ZMAT4: variants seen among roughly 807,000 people sequenced by gnomAD.
The protein encoded by ZMAT4 is zinc finger matrin-type protein 4.
A neutral mutation model predicts 28.7 loss-of-function variants in ZMAT4; 17 were observed. That is an observed-to-expected ratio of 0.59 (90% CI 0.41 to 0.89). The LOEUF is 0.89. ZMAT4 is among the 40% of genes least tolerant of loss of function. The pLI, the probability that ZMAT4 is intolerant of heterozygous loss-of-function variation, is 0.00. For missense variants in ZMAT4, 240 were observed against 283.8 expected (o/e 0.85, Z 1.11); for synonymous variants, 117 against 109.2 (o/e 1.07, Z -0.44).
chr8:40,588,735 A>G lies in ZMAT4; in HGVS notation c.578-7474T>C, dbSNP rs1287291605. ...GATAGTACTTAATAAAGTTAAACAT[A>G]TATCTACCTTATGACAAGAAATGTC... On this transcript the variant is annotated intron_variant, in intron 5 of 6. Coordinates refer to ENST00000297737, the MANE Select transcript of ZMAT4 (RefSeq NM_024645.3). Among the ~76,000 whole-genome samples, 4 of 152,292 alleles carry G rather than the reference A, an allele frequency of 2.6e-5. No individual in the cohort carries two copies. The Middle Eastern group carries it at 0.01, about 389-fold the overall frequency.
At chr8:40,641,772 A>G (rs902864663) in intron 5 of ZMAT4, among the ~76,000 whole-genome samples, 1 of 152,194 alleles carries the variant, frequency 6.6e-6, no homozygotes. Flanking sequence ...TTAAGTATAC[A>G]ATACAGTATT....
At chr8:40,611,561 C>T (rs1180276919) in intron 5 of ZMAT4, among the ~76,000 whole-genome samples, 3 of 152,124 alleles carry the variant, frequency 2.0e-5, no homozygotes, top group Admixed American at 1.3e-4. Flanking sequence ...AGGATGGTCT[C>T]GATCTCCTGA....
At chr8:40,556,345 C>G (rs994876841) in intron 6 of ZMAT4, among the ~76,000 whole-genome samples, 1 of 152,126 alleles carries the variant, frequency 6.6e-6, no homozygotes, top group Admixed American at 6.6e-5. Flanking sequence ...TACAATTCAA[C>G]TCATGATTTT....
intron 3 of ZMAT4, among the ~76,000 whole-genome samples, chr8:40,732,345 C>A (rs1473267338): frequency 6.6e-6 from 1 of 152,186 alleles, no homozygotes; most frequent in Non-Finnish European, 1.5e-5. Context: ...AGGCAGTCAG[C>A]TCCAGCAAGA....
chr8:40,697,041 A>G, intron 4 of ZMAT4: 1 of 491,064 alleles, frequency 2.0e-6, no homozygotes, highest in East Asian at 3.2e-5. Context: ...AACTAGGGTG[A>G]TAGAATGAGC....
At chr8:40,545,228 T>C (rs940235541) in intron 6 of ZMAT4, among the ~76,000 whole-genome samples, 3 of 152,062 alleles carry the variant, frequency 2.0e-5, no homozygotes, top group Non-Finnish European at 4.4e-5. Context: ...AAGATGATGA[T>C]GGCCTTGATT....
At chr8:40,801,369 T>TATAC (rs1814838381) in intron 2 of ZMAT4, among the ~76,000 whole-genome samples, 1 of 146,096 alleles carries the variant, frequency 6.8e-6, no homozygotes, top group African/African-American at 2.5e-5. Flanking sequence ...TATATATATA[T>TATAC]ATACATATAT....
chr8:40,611,990 A>T (rs1805814398), intron 5 of ZMAT4, among the ~76,000 whole-genome samples: 1 of 152,232 alleles, frequency 6.6e-6, no homozygotes, highest in East Asian at 1.9e-4. Context: ...AGGCTGGAGT[A>T]GTCCAGCACA....
chr8:40,613,692 A>T (rs1805888009), intron 5 of ZMAT4, among the ~76,000 whole-genome samples: 1 of 152,118 alleles, frequency 6.6e-6, no homozygotes, highest in African/African-American at 2.4e-5. Flanking sequence ...GGACTTAATG[A>T]CACCACCAGA....
At chr8:40,695,766 CA>C (rs1655962829) in intron 4 of ZMAT4, among the ~76,000 whole-genome samples, 2 of 107,980 alleles carry the variant, frequency 1.9e-5, no homozygotes, top group Admixed American at 1.1e-4. Context: ...TGCCATGTGG[CA>C]ATTTTTTTTT....
chr8:40,555,375 T>C (rs1803501607), intron 6 of ZMAT4, among the ~76,000 whole-genome samples: 1 of 152,160 alleles, frequency 6.6e-6, no homozygotes, highest in South Asian at 2.1e-4. Flanking sequence ...TATTTTTAGT[T>C]TACAAATACT....
At chr8:40,875,676 C>G (rs1358400318) in intron 1 of ZMAT4, among the ~76,000 whole-genome samples, 2 of 152,078 alleles carry the variant, frequency 1.3e-5, no homozygotes, top group Non-Finnish European at 2.9e-5. Context: ...CACCGCCAAG[C>G]CCAGGATGGA....
At chr8:40,870,216 CT>C (rs1428375337) in intron 1 of ZMAT4, among the ~76,000 whole-genome samples, 1 of 152,148 alleles carries the variant, frequency 6.6e-6, no homozygotes, top group African/African-American at 2.4e-5. Flanking sequence ...GCAAGACAGC[CT>C]TTGTTCATCA....
intron 2 of ZMAT4, among the ~76,000 whole-genome samples, chr8:40,774,674 T>C (rs1251755992): frequency 2.5e-5 from 2 of 79,230 alleles, no homozygotes; most frequent in African/African-American, 3.6e-5. Flanking sequence ...TAATATTCAA[T>C]GACATAGAAA....
At chr8:40,571,706 C>T (rs1804104669) in intron 6 of ZMAT4, among the ~76,000 whole-genome samples, 2 of 152,116 alleles carry the variant, frequency 1.3e-5, no homozygotes, top group South Asian at 2.1e-4. Flanking sequence ...AAAGAATTAG[C>T]CATGGGTTCC....
At chr8:40,551,267 G>A (rs1803361285) in intron 6 of ZMAT4, among the ~76,000 whole-genome samples, 1 of 152,132 alleles carries the variant, frequency 6.6e-6, no homozygotes, top group Non-Finnish European at 1.5e-5. Context: ...AAGCCTGGGG[G>A]ACAGGGGTAG....
intron 1 of ZMAT4, among the ~76,000 whole-genome samples, chr8:40,866,592 T>G (rs183698145): frequency 6.6e-6 from 1 of 152,208 alleles, no homozygotes; most frequent in Non-Finnish European, 1.5e-5. Context: ...TGTTTTATCT[T>G]TTTTTCCCCC....
intron 3 of ZMAT4, among the ~76,000 whole-genome samples, chr8:40,709,038 T>C (rs1330604820): frequency 6.6e-6 from 1 of 152,146 alleles, no homozygotes; most frequent in Non-Finnish European, 1.5e-5. Context: ...CCATGGGGAA[T>C]TGGTTCCAGG....
At chr8:40,536,914 A>G (rs187995865) in intron 6 of ZMAT4, among the ~76,000 whole-genome samples, 2 of 152,186 alleles carry the variant, frequency 1.3e-5, no homozygotes, top group Non-Finnish European at 2.9e-5. Context: ...GAAAAAAAAA[A>G]AGAGAAGAGA....
Sources: allele counts gnomAD v4.1 joint callset (sites outside exome capture counted in the v4.1 genomes callset), GRCh38; gene constraint gnomAD v4.1.1; transcripts MANE v1.5; gene names NCBI Gene and HGNC (gene_info 2026-07-23, HGNC 2026-07-21).